Variants in RYR2 observed in about 807,000 individuals in gnomAD.
RYR2 encodes ryanodine receptor 2.
RYR2 carries 227 observed loss-of-function variants against 601.1 expected under a neutral mutation model. The ratio of observed to expected loss-of-function variants is 0.38; its 90% CI spans 0.34 to 0.42. The LOEUF (loss-of-function observed/expected upper bound fraction) is 0.42. RYR2 is among the 10% of genes least tolerant of loss of function. The probability of loss-of-function intolerance (pLI) is 1.00; values close to 1 mark genes in which losing one functional copy is unlikely to be tolerated. For missense variants in RYR2, 4,646 were observed against 6,156.5 expected (o/e 0.75, Z 8.21); for synonymous variants, 2,223 against 2,175.1 (o/e 1.02, Z -0.61).
chr1:237,447,876 C>T (rs1271366397), intron 14 of RYR2, among the ~76,000 whole-genome samples: 2 of 126,410 alleles, frequency 1.6e-5, no homozygotes, highest in East Asian at 5.6e-4. Context: ...TTTTTTCTTT[C>T]CTTTTCTTTT....
chr1:237,619,570 T>C (rs1255679723), intron 38 of RYR2, among the ~76,000 whole-genome samples: 1 of 152,064 alleles, frequency 6.6e-6, no homozygotes. Flanking sequence ...AAGAAAATAA[T>C]GCTGAAAACT....
chr1:237,366,120 C>T (rs75227907), intron 5 of RYR2, among the ~76,000 whole-genome samples: 5,287 of 152,300 alleles, frequency 0.035, 144 homozygotes, highest in Non-Finnish European at 0.055. Flanking sequence ...GGGTTTCATA[C>T]GGAAAAGGCA....
At chr1:237,519,776 CA>C (rs1666913299) in intron 24 of RYR2, among the ~76,000 whole-genome samples, 1 of 152,022 alleles carries the variant, frequency 6.6e-6, no homozygotes. Flanking sequence ...TTTCTTGTTC[CA>C]TTTGAATTTT....
chr1:237,449,074 C>A (rs894353298), intron 14 of RYR2, among the ~76,000 whole-genome samples: 5 of 152,162 alleles, frequency 3.3e-5, no homozygotes, highest in African/African-American at 1.2e-4. Context: ...CACGCCACCA[C>A]CATCACCACC....
intron 71 of RYR2, among the ~76,000 whole-genome samples, chr1:237,712,166 G>T (rs932818067): frequency 6.6e-6 from 1 of 152,068 alleles, no homozygotes; most frequent in Non-Finnish European, 1.5e-5. Context: ...AGGAGAAGAC[G>T]TGGGCGAGAG....
At chr1:237,598,454 C>T (rs771908198) in intron 34 of RYR2, among the ~76,000 whole-genome samples, 8 of 152,120 alleles carry the variant, frequency 5.3e-5, no homozygotes, top group East Asian at 1.9e-4. Context: ...AAGATGATAT[C>T]GTATATATTT....
chr1:237,666,762 T>C (rs1367950415), intron 57 of RYR2, among the ~76,000 whole-genome samples, 173 bp downstream of exon 57: 2 of 152,182 alleles, frequency 1.3e-5, no homozygotes, highest in East Asian at 3.9e-4. Flanking sequence ...TCAAAATTGA[T>C]AGCTGGGTGT....
rs1367561705 is a variant in RYR2 at position 237,142,024 on chromosome 1, C to T, written c.48+99455C>T. 1.3e-5 allele frequency among the ~76,000 whole-genome samples: 2 copies of T among 152,208 alleles called. 1 individual carries two copies. Among genetic ancestry groups the T allele is most frequent in the Non-Finnish European group, 2.9e-5 (2 of 68,030 alleles). ...CAAACAACAGATCCCTTCTTACAGC[C>T]AGCCAATCAGATATATTCTTACCTA... On this transcript the variant is annotated intron_variant, in intron 1 of 104. Coordinates refer to ENST00000366574, the MANE Select transcript of RYR2 (RefSeq NM_001035.3).
chr1:237,288,635 A>T (rs1280500061), intron 2 of RYR2, among the ~76,000 whole-genome samples: 10 of 152,098 alleles, frequency 6.6e-5, no homozygotes, highest in Non-Finnish European at 7.4e-5. Flanking sequence ...CCACGCAAAC[A>T]GAAGGGCCAG....
rs1468733041 is a variant in RYR2 at position 237,819,077 on chromosome 1, A to T, written c.14475A>T (p.Gly4825=). The T allele has an allele frequency of 1.9e-6, 3 of 1,613,720 alleles. No individual in the cohort carries two copies. In the African/African-American group the frequency reaches 4.0e-5, roughly 22 times the overall value. The change falls in exon 101 of 105, where the codon GGA becomes GGT. Residue 4825 remains glycine (G), a synonymous_variant. Transcript: ENST00000366574. This position sits in a 1 kb window ranked among gnomAD's most constrained non-coding sequence, Gnocchi z 4.0. ...FHMYVGVRAG[G]GIGDEIEDPA... ...TGTATGTTGGAGTTCGTGCTGGAGG[A>T]GGGATCGGGGATGAAATCGAAGACC...
rs144989775 is a variant in RYR2, at chr1:237,809,473, T to C, written c.14433+438T>C. Among the ~76,000 whole-genome samples, 494 of 152,350 alleles carry C rather than the reference T, an allele frequency of 3.2e-3. 3 individuals are homozygous for C. Among genetic ancestry groups the C allele is most frequent in the African/African-American group, 0.011 (478 of 41,588 alleles). On this transcript the variant is annotated intron_variant, in intron 100 of 104. Coordinates refer to ENST00000366574, the MANE Select transcript of RYR2 (RefSeq NM_001035.3). Reference sequence around the variant, plus strand: ...TTGCTTTTATATTGAGTATCTTGGCTTAAATGTCTTTTTTGGTCTTGGTTT... The same window carrying C: ...TTGCTTTTATATTGAGTATCTTGGCCTAAATGTCTTTTTTGGTCTTGGTTT...
chr1:237,390,223 A>T (rs1702266155), intron 10 of RYR2, among the ~76,000 whole-genome samples: 1 of 146,456 alleles, frequency 6.8e-6, no homozygotes, highest in African/African-American at 2.8e-5. Flanking sequence ...TAAATGGAAG[A>T]CAGACTAAGT....
intron 63 of RYR2, among the ~76,000 whole-genome samples, chr1:237,697,502 A>G (rs1234271425): frequency 1.4e-5 from 2 of 145,200 alleles, no homozygotes; most frequent in Non-Finnish European, 3.0e-5. Flanking sequence ...ATTATATAAT[A>G]TAATTATATA....
In RYR2 at chr1:237,496,522, A is replaced by G. The variant is rs2009813; in HGVS notation, c.1973A>G (p.Asn658Ser). The G allele has an allele frequency of 4.2e-5, 67 of 1,613,786 alleles. 1 individual carries two copies. The highest frequency in any genetic ancestry group is 3.3e-4 in the Middle Eastern group (2 of 6,084). The stretch of plus-strand genomic sequence containing the variant: ...CCGTCTCTTTAAAGCATGAGACCCA[A>G]TATTTTTCTGGGCGTCAGTGAAGGT... ...LVNHVSSMRPNIFLGVSEGSA... is the reference protein window; with the variant it reads ...LVNHVSSMRPSIFLGVSEGSA... The change falls in exon 20 of 105, where the codon AAT becomes AGT. Residue 658 changes from asparagine (N) to serine (S), a missense_variant. Physicochemically the swap from Asn to Ser is conservative, Grantham distance 46 (BLOSUM62 1). Around this residue, in one of 17 missense-constraint regions of RYR2, gnomAD observed 1,807 missense variants for 2,088.1 expected, o/e 0.87. Coordinates refer to ENST00000366574, the MANE Select transcript of RYR2 (RefSeq NM_001035.3).
intron 66 of RYR2, 135 bp from the exon 67 acceptor site, chr1:237,705,078 A>C (rs935372258): frequency 2.5e-5 from 18 of 722,888 alleles, no homozygotes; most frequent in South Asian, 3.8e-5. Flanking sequence ...TTAGCAATAC[A>C]GAAATTGGAT....
intron 1 of RYR2, among the ~76,000 whole-genome samples, chr1:237,152,127 C>T (rs1000373304): frequency 1.3e-5 from 2 of 152,008 alleles, no homozygotes; most frequent in Admixed American, 6.6e-5. Flanking sequence ...TTCCTGTGTT[C>T]GTTTGCTGAG....
intron 40 of RYR2, 23 bp downstream of exon 40, chr1:237,625,827 G>C: frequency 6.2e-7 from 1 of 1,609,910 alleles, no homozygotes; most frequent in Middle Eastern, 1.7e-4. Context: ...AGAGTGCACT[G>C]GCAGAATGAC....
chr1:237,202,798 C>A (rs1025868970), intron 1 of RYR2, among the ~76,000 whole-genome samples: 3 of 152,152 alleles, frequency 2.0e-5, no homozygotes, highest in Admixed American at 6.5e-5. Flanking sequence ...GAGCATGCTT[C>A]TTCCTCAGCC....
In RYR2 at chr1:237,660,803, TC is replaced by T. The variant is rs1279652894; in HGVS notation, c.8299-6del. The T allele has an allele frequency of 2.0e-6, 3 of 1,537,856 alleles. No homozygotes were observed. The highest frequency in any genetic ancestry group is 2.6e-6 in the Non-Finnish European group (3 of 1,138,784). On this transcript the variant is annotated splice_region_variant and splice_polypyrimidine_tract_variant and intron_variant, in intron 55 of 104. Coordinates refer to ENST00000366574, the MANE Select transcript of RYR2 (RefSeq NM_001035.3). Reference sequence around the variant, plus strand: ...ATATCTGTTGTTTCTTGTTTTTTCTTCTCTAGGAAAAAGAAATTTATCGCTG... The same window carrying T: ...ATATCTGTTGTTTCTTGTTTTTTCTTTCTAGGAAAAAGAAATTTATCGCTG...
Sources: allele counts gnomAD v4.1 joint callset (sites outside exome capture counted in the v4.1 genomes callset), GRCh38; gene constraint gnomAD v4.1.1; regional missense constraint gnomAD v4.1.1; non-coding constraint Gnocchi (gnomAD v3.1); transcripts MANE v1.5; gene names NCBI Gene and HGNC (gene_info 2026-07-23, HGNC 2026-07-21).